The following CDYL variants were observed in gnomAD, a reference collection of about 807,000 sequenced individuals.
The protein encoded by CDYL is chromodomain Y-like protein.
A neutral mutation model predicts 47.3 loss-of-function variants in CDYL; 8 were observed. The observed-to-expected ratio is 0.17, with a 90% confidence interval of 0.10 to 0.31. The LOEUF (loss-of-function observed/expected upper bound fraction) is 0.31, where lower values mean the gene tolerates loss of function less well. Among genes scored for constraint, CDYL ranks in the 10% least tolerant of loss-of-function variants. CDYL has a pLI of 1.00. For missense variants in CDYL, 471 were observed against 701.4 expected (o/e 0.67, Z 3.71); for synonymous variants, 266 against 265.0 (o/e 1.00, Z -0.04).
At chr6:4,854,507 T>C (rs1760947522) in intron 1 of CDYL, among the ~76,000 whole-genome samples, 1 of 152,222 alleles carries the variant, frequency 6.6e-6, no homozygotes, top group Non-Finnish European at 1.5e-5. Flanking sequence ...CTGGGAGCTC[T>C]GTGTGTGTTT....
At chr6:4,919,595 C>A (rs888109645) in intron 2 of CDYL, among the ~76,000 whole-genome samples, 8 of 152,146 alleles carry the variant, frequency 5.3e-5, no homozygotes, top group African/African-American at 1.7e-4. Flanking sequence ...CAAAAAAATT[C>A]TTCGAGTTTT....
At chr6:4,912,849 C>T (rs1183382498) in intron 2 of CDYL, among the ~76,000 whole-genome samples, 3 of 152,258 alleles carry the variant, frequency 2.0e-5, no homozygotes, top group South Asian at 4.1e-4. Context: ...GTCGCACTCC[C>T]GTGATAACCC....
At chr6:4,900,779 G>A (rs867362591) in intron 2 of CDYL, among the ~76,000 whole-genome samples, 6 of 51,674 alleles carry the variant, frequency 1.2e-4, no homozygotes, top group Non-Finnish European at 2.1e-4. Context: ...GTATACGTGT[G>A]TATATATATA....
In CDYL at chr6:4,776,738, G is replaced by GCCCCCC; in HGVS notation, c.-43_-42insCCCCCC. 30 of 1,250,206 alleles carry GCCCCCC rather than the reference G, an allele frequency of 2.4e-5. No individual in the cohort carries two copies. Among genetic ancestry groups the GCCCCCC allele is most frequent in the Non-Finnish European group, 3.0e-5 (29 of 969,200 alleles). 77.4% of individuals were successfully genotyped at this position (1,250,206 alleles called of 1,614,324 possible). The stretch of plus-strand genomic sequence containing the variant: ...AAAGTGTCGGCCGCCCGGCGCCGGC[G>GCCCCCC]CCCGCCCCGACCCTGCCCCTCCCGC... On this transcript the variant is annotated 5_prime_UTR_variant, in exon 1 of 7. Coordinates refer to ENST00000397588, the MANE Select transcript of CDYL (RefSeq NM_004824.4).
intron 1 of CDYL, among the ~76,000 whole-genome samples, chr6:4,877,792 T>C (rs1761659889): frequency 6.6e-6 from 1 of 152,344 alleles, no homozygotes; most frequent in East Asian, 1.9e-4. Flanking sequence ...TTTTCAAGAT[T>C]GCTTTGGATT....
intron 2 of CDYL, among the ~76,000 whole-genome samples, chr6:4,923,464 CATTT>C (rs1757774988): frequency 6.6e-6 from 1 of 152,136 alleles, no homozygotes; most frequent in Non-Finnish European, 1.5e-5. Flanking sequence ...TTTATCCATT[CATTT>C]GTTGATGGGC....
At chr6:4,803,743 T>G (rs1376922545) in intron 1 of CDYL, among the ~76,000 whole-genome samples, 3 of 151,766 alleles carry the variant, frequency 2.0e-5, no homozygotes, top group Non-Finnish European at 4.4e-5. Context: ...ATTTTTTTTT[T>G]TTTTTTTTTT....
At chr6:4,899,215 C>G (rs1013511261) in intron 2 of CDYL, among the ~76,000 whole-genome samples, 2 of 152,068 alleles carry the variant, frequency 1.3e-5, no homozygotes, top group Non-Finnish European at 2.9e-5. Flanking sequence ...TTCAGCTAGC[C>G]AAAAAAGTGT....
chr6:4,777,632 A>G (rs1042394232), intron 1 of CDYL, among the ~76,000 whole-genome samples: 5 of 152,210 alleles, frequency 3.3e-5, no homozygotes, highest in African/African-American at 1.2e-4. Flanking sequence ...GTATTTATAA[A>G]TAAGTTCCTA....
chr6:4,842,749 GT>G (rs1760538352), intron 1 of CDYL, among the ~76,000 whole-genome samples: 2 of 152,042 alleles, frequency 1.3e-5, no homozygotes, highest in African/African-American at 4.8e-5. Flanking sequence ...AGGTATTTCA[GT>G]TACTATTGAG....
chr6:4,900,779 G>GTGTATGTATATATATA, intron 2 of CDYL, among the ~76,000 whole-genome samples: 2 of 51,704 alleles, frequency 3.9e-5, no homozygotes, highest in African/African-American at 6.3e-5. Flanking sequence ...GTATACGTGT[G>GTGTATGTATATATATA]TATATATATA....
intron 2 of CDYL, among the ~76,000 whole-genome samples, chr6:4,925,928 A>G (rs913379391): frequency 6.6e-6 from 1 of 152,130 alleles, no homozygotes; most frequent in Admixed American, 6.5e-5. Context: ...CCTGTACTAG[A>G]ACTATGCGCT....
chr6:4,891,608 T>C (rs1047325346), intron 1 of CDYL, 105 bp from the exon 2 acceptor site: 4 of 827,788 alleles, frequency 4.8e-6, no homozygotes, highest in Non-Finnish European at 5.6e-6. Flanking sequence ...GATCATTTTA[T>C]CATCTATTGT....
chr6:4,798,401 G>A (rs561145148), intron 1 of CDYL, among the ~76,000 whole-genome samples: 3 of 152,208 alleles, frequency 2.0e-5, no homozygotes, highest in East Asian at 3.9e-4. Context: ...TTGGTTTACC[G>A]TTTTTATCAG....
rs375199525 is a variant in CDYL at position 4,952,397 on chromosome 6, G to C, written c.1464G>C (p.Ser488=). 5.0e-6 allele frequency: 8 copies of C among 1,613,424 alleles called. No individual in the cohort carries two copies. The highest frequency in any genetic ancestry group is 6.8e-6 in the Non-Finnish European group (8 of 1,179,722). Residue 488 remains serine (S), a synonymous_variant, in exon 6 of 7, where the codon TCG becomes TCC. Coordinates refer to ENST00000397588, the MANE Select transcript of CDYL (RefSeq NM_004824.4). The part of the protein sequence containing the change: ...EVMVRIKELA[S]CNPVVLEESK... ...TGGTTCGCATTAAGGAGCTTGCCTCGTGCAATCCAGTTGTATGTCTAATTG... is the reference window on the plus strand; with the variant it reads ...TGGTTCGCATTAAGGAGCTTGCCTCCTGCAATCCAGTTGTATGTCTAATTG...
chr6:4,936,295 C>T (rs2127520210), intron 3 of CDYL, among the ~76,000 whole-genome samples: 1 of 152,288 alleles, frequency 6.6e-6, no homozygotes, highest in African/African-American at 2.4e-5. Context: ...ATGCTCATTG[C>T]TGATAGTGCC....
At chr6:4,860,547 A>C (rs1761136424) in intron 1 of CDYL, among the ~76,000 whole-genome samples, 1 of 147,844 alleles carries the variant, frequency 6.8e-6, no homozygotes, top group African/African-American at 2.5e-5. Flanking sequence ...TATCATGTAT[A>C]TATTACATAT....
intron 2 of CDYL, among the ~76,000 whole-genome samples, chr6:4,906,544 T>C (rs2127497324): frequency 6.6e-6 from 1 of 152,210 alleles, no homozygotes; most frequent in East Asian, 1.9e-4. Context: ...TTGGAAGGCA[T>C]GACATTGCGT....
At chr6:4,785,802 G>A (rs565473161) in intron 1 of CDYL, among the ~76,000 whole-genome samples, 2 of 152,214 alleles carry the variant, frequency 1.3e-5, no homozygotes, top group Non-Finnish European at 2.9e-5. Flanking sequence ...TTAGAAACAG[G>A]TTATTTGGTA....
Sources: gnomAD v4.1 joint callset for allele counts (sites outside exome capture counted in the v4.1 genomes callset) on GRCh38, gnomAD v4.1.1 for gene constraint, MANE v1.5 for transcripts, NCBI Gene and HGNC (gene_info 2026-07-23, HGNC 2026-07-21) for gene names.